SLC10A6: variants seen among roughly 807,000 people sequenced by gnomAD.
SLC10A6 encodes sodium-dependent organic anion transporter.
Under a neutral mutation model 30.0 loss-of-function variants are expected in SLC10A6, and 27 were observed. That is an observed-to-expected ratio of 0.90 (90% CI 0.66 to 1.24). SLC10A6 has a LOEUF of 1.24. SLC10A6 is among the 50% of genes most tolerant of loss of function. The pLI is 0.00. For missense variants in SLC10A6, 439 were observed against 457.0 expected (o/e 0.96, Z 0.36); for synonymous variants, 166 against 173.8 (o/e 0.95, Z 0.36).
chr4:86,830,384 C>T lies in SLC10A6; in HGVS notation c.585+1408G>A, dbSNP rs141512100. 1.8e-4 allele frequency among the ~76,000 whole-genome samples: 27 copies of T among 152,148 alleles called. 1 individual carries two copies. The highest frequency in any genetic ancestry group is 5.8e-4 in the African/African-American group (24 of 41,520). On this transcript the variant is annotated intron_variant, in intron 3 of 5. Coordinates refer to ENST00000273905, the MANE Select transcript of SLC10A6 (RefSeq NM_197965.3). Reference sequence around the variant, plus strand: ...TTGCACTCCAGCCTGAGTGACAGAGCGAGACCCTATCTCAAAAACTTAATT... The same window carrying T: ...TTGCACTCCAGCCTGAGTGACAGAGTGAGACCCTATCTCAAAAACTTAATT...
In SLC10A6 at chr4:86,833,411, T is replaced by C. The variant is rs1746122474; in HGVS notation, c.391A>G (p.Thr131Ala). Residue 131 changes from threonine (T) to alanine (A), a missense_variant, in exon 2 of 6, where the codon ACC becomes GCC. By Grantham distance (58) the Thr-to-Ala change is moderately conservative (BLOSUM62 0). Transcript: ENST00000273905. ...CCCAGGGCGGCCACGGTGGAACAGG[T>C]TGTCATACTGATGCTGAAAGTAAAA... ...GDMDLSISMTTCSTVAALGMM... is the reference protein window; with the variant it reads ...GDMDLSISMTACSTVAALGMM... The C allele has an allele frequency of 6.2e-7, 1 of 1,613,216 alleles. No individual in the cohort carries two copies. Among genetic ancestry groups the C allele is most frequent in the Non-Finnish European group, 8.5e-7 (1 of 1,179,212 alleles).
intron 4 of SLC10A6, among the ~76,000 whole-genome samples, chr4:86,827,782 A>G (rs769586833): frequency 1.2e-4 from 18 of 152,094 alleles, no homozygotes; most frequent in Admixed American, 3.3e-4. Context: ...TCTTCCTATC[A>G]ATTTGGCCTT....
Position 86,849,210 on chromosome 4 carries a change from C to T in SLC10A6, c.-95G>A, listed in dbSNP as rs1746443936. The T allele has an allele frequency of 1.4e-6, 2 of 1,406,636 alleles. No homozygotes were observed. The highest frequency in any genetic ancestry group is 1.4e-5 in the African/African-American group (1 of 69,826). 87.1% of individuals were successfully genotyped at this position (1,406,636 alleles called of 1,614,324 possible). The stretch of plus-strand genomic sequence containing the variant: ...ACATTTTGTAATAGTGCAACGAAGT[C>T]ACACATGGAGAATCATTCCAATAAC... On this transcript the variant is annotated 5_prime_UTR_variant, in exon 1 of 6. It removes the in-frame stop codon of an upstream open reading frame in the 5' UTR. Coordinates refer to ENST00000273905, the MANE Select transcript of SLC10A6 (RefSeq NM_197965.3).
chr4:86,849,121 C>T lies in SLC10A6; in HGVS notation c.-6G>A, dbSNP rs751152378. 8 of 1,609,676 alleles carry T rather than the reference C, an allele frequency of 5.0e-6. No homozygotes were observed. Among genetic ancestry groups the T allele is most frequent in the Non-Finnish European group, 5.9e-6 (7 of 1,178,016 alleles). ...CTGGAACAATTGGCTCTCATCTCCT[C>T]ATCTCCTTAAGGCAGCATTACAAAT... On this transcript the variant is annotated 5_prime_UTR_variant, in exon 1 of 6. It removes an upstream start codon present in the reference 5' UTR. Coordinates refer to ENST00000273905, the MANE Select transcript of SLC10A6 (RefSeq NM_197965.3).
In SLC10A6 at chr4:86,831,834, A is replaced by T. The variant is rs770266438; in HGVS notation, c.543T>A (p.Tyr181Ter). ...CLTIPVAFGV[Y>*]VNYRWPKQSK... ...ATTGTTTTGGCCATCTGTAATTCAC[A>T]TAGACACCAAAGGCCACAGGAATGG... Residue 181 changes from tyrosine to a stop codon, truncating the protein, a stop_gained, in exon 3 of 6, where the codon TAT becomes TAA. Coordinates refer to ENST00000273905, the MANE Select transcript of SLC10A6 (RefSeq NM_197965.3). LOFTEE classifies it high-confidence loss of function. 6.2e-7 allele frequency: 1 copy of T among 1,613,696 alleles called. No individual in the cohort carries two copies.
chr4:86,829,405 C>A (rs182152165), intron 3 of SLC10A6, among the ~76,000 whole-genome samples: 1 of 151,810 alleles, frequency 6.6e-6, no homozygotes, highest in East Asian at 1.9e-4. Flanking sequence ...AGCAAGACTC[C>A]GTTTAAAAAA....
intron 1 of SLC10A6, among the ~76,000 whole-genome samples, chr4:86,839,900 C>CTTATT: frequency 7.1e-6 from 1 of 141,574 alleles, no homozygotes; most frequent in East Asian, 2.0e-4. Context: ...TTGTTACACT[C>CTTATT]TTATTTTTTT....
chr4:86,835,884 C>T (rs536206104), intron 1 of SLC10A6, among the ~76,000 whole-genome samples: 1 of 152,242 alleles, frequency 6.6e-6, no homozygotes, highest in South Asian at 2.1e-4. Context: ...AGCTGAGTCA[C>T]TTAGCATCAG....
chr4:86,842,792 TTC>T (rs1393613579), intron 1 of SLC10A6, among the ~76,000 whole-genome samples: 1 of 3,720 alleles, frequency 2.7e-4, no homozygotes, highest in East Asian at 9.1e-3. Flanking sequence ...CCTCTTTTCT[TTC>T]TTTCTTTCTT....
intron 4 of SLC10A6, among the ~76,000 whole-genome samples, chr4:86,827,057 A>G (rs532675219): frequency 3.5e-4 from 54 of 152,294 alleles, no homozygotes; most frequent in Admixed American, 5.2e-4. Context: ...CAAAAACTCG[A>G]TATGATTAAG....
intron 2 of SLC10A6, among the ~76,000 whole-genome samples, 188 bp from the exon 3 acceptor site, chr4:86,832,068 CT>C (rs1300845500): frequency 1.3e-5 from 2 of 152,156 alleles, no homozygotes; most frequent in African/African-American, 4.8e-5. Flanking sequence ...CATTTTGCGT[CT>C]TGTGAGTGCC....
intron 1 of SLC10A6, among the ~76,000 whole-genome samples, chr4:86,837,298 G>GAAAGAGAAA (rs1560460409): frequency 9.0e-5 from 8 of 89,236 alleles, no homozygotes; most frequent in African/African-American, 1.6e-4. Flanking sequence ...AGAAAGGAAG[G>GAAAGAGAAA]AAGGAAGGAA....
At position 86,833,471 on chromosome 4, in the gene SLC10A6, A is replaced by G. The variant is rs200063644; in HGVS notation, c.378-47T>C. On this transcript the variant is annotated intron_variant, in intron 1 of 5. Coordinates refer to ENST00000273905, the MANE Select transcript of SLC10A6 (RefSeq NM_197965.3). ...TGCTTAGGAGGGAGCATTGGACATG[A>G]AGAATTTAGTCTTTACCAAAAGCAA... 4.3e-4 allele frequency: 623 copies of G among 1,456,068 alleles called. 2 individuals are homozygous for G. The African/African-American group carries it at 8.0e-3, about 19-fold the overall frequency. The allele number at this position is 1,456,068 out of a possible 1,614,324, so 90.2% of individuals were successfully genotyped here. A position where few individuals can be genotyped will look rare whatever the true frequency, so the allele number is the denominator to read the frequency against.
chr4:86,828,143 A>G lies in SLC10A6; in HGVS notation c.611T>C (p.Leu204Pro). The G allele has an allele frequency of 1.9e-6, 3 of 1,613,194 alleles. No homozygotes were observed. The South Asian group carries it at 3.3e-5, about 18-fold the overall frequency. ...ACCAGCAACTGCGACCACCAGAAGGAGGACCCCACCAACAACGGCCCCAAT... is the reference window on the plus strand; with the variant it reads ...ACCAGCAACTGCGACCACCAGAAGGGGGACCCCACCAACAACGGCCCCAAT... Reference protein sequence around the residue: ...LKIGAVVGGVLLLVVAVAGVV... With the variant: ...LKIGAVVGGVPLLVVAVAGVV... The change falls in exon 4 of 6, where the codon CTC (leucine) becomes CCC (proline). Residue 204 changes from leucine to proline, a missense_variant. Transcript: ENST00000273905.
At chr4:86,842,798 CTT>C (rs1746315144) in intron 1 of SLC10A6, among the ~76,000 whole-genome samples, 13 of 5,312 alleles carry the variant, frequency 2.4e-3, no homozygotes, top group Non-Finnish European at 3.4e-3. Flanking sequence ...TTCTTTCTTT[CTT>C]TCTTTCTTTC....
In SLC10A6 at chr4:86,841,789, C is replaced by T. The variant is rs545063350; in HGVS notation, c.377+6950G>A. ...TGACCCTCAAAACTATGAAAGTATA[C>T]ACTTGCTTTCCGACTGAAAGAAATA... On this transcript the variant is annotated intron_variant, in intron 1 of 5. Coordinates refer to ENST00000273905, the MANE Select transcript of SLC10A6 (RefSeq NM_197965.3). Among the ~76,000 whole-genome samples the T allele has an allele frequency of 3.9e-5, 6 of 152,258 alleles. 1 individual carries two copies. In the South Asian group the frequency reaches 8.3e-4, roughly 21 times the overall value.
At chr4:86,827,963 CAA>C (rs747646656) in intron 4 of SLC10A6, 28 bp downstream of exon 4, 3 of 1,597,276 alleles carry the variant, frequency 1.9e-6, no homozygotes, top group Admixed American at 3.5e-5. Flanking sequence ...TTACCTTCCT[CAA>C]AAAAGTTTAT....
At position 86,845,290 on chromosome 4, in the gene SLC10A6, C is replaced by T. The variant is rs562664619; in HGVS notation, c.377+3449G>A. Among the ~76,000 whole-genome samples the T allele has an allele frequency of 3.3e-5, 5 of 152,194 alleles. No homozygotes were observed. In the East Asian group the frequency reaches 7.7e-4, roughly 24 times the overall value. ...CTGCAGACTGTGGGAACAACATGGGCAAAAGAAAGCTGGAAGAGTGTGAGA... is the reference window on the plus strand; with the variant it reads ...CTGCAGACTGTGGGAACAACATGGGTAAAAGAAAGCTGGAAGAGTGTGAGA... On this transcript the variant is annotated intron_variant, in intron 1 of 5. Transcript: ENST00000273905.
Position 86,833,369 on chromosome 4 carries a change from T to C in SLC10A6, c.433A>G (p.Ile145Val), listed in dbSNP as rs772471118. ...VAALGMMPLCIYLYTWSWSLQ... is the reference protein window; with the variant it reads ...VAALGMMPLCVYLYTWSWSLQ... Reference sequence around the variant, plus strand: ...CTCCAGGACCAGGTGTAGAGATAAATGCAGAGTGGCATCATTCCCAGGGCG... The same window carrying C: ...CTCCAGGACCAGGTGTAGAGATAAACGCAGAGTGGCATCATTCCCAGGGCG... The change falls in exon 2 of 6, where the codon ATT becomes GTT. Residue 145 changes from isoleucine (I) to valine (V), a missense_variant. By Grantham distance (29) the Ile-to-Val change is conservative. Coordinates refer to ENST00000273905, the MANE Select transcript of SLC10A6 (RefSeq NM_197965.3). The C allele has an allele frequency of 5.6e-6, 9 of 1,613,992 alleles. No homozygotes were observed. In the African/African-American group the frequency reaches 1.1e-4, roughly 19 times the overall value.
Sources: allele counts gnomAD v4.1 joint callset (sites outside exome capture counted in the v4.1 genomes callset), GRCh38; gene constraint gnomAD v4.1.1; transcripts MANE v1.5; gene names NCBI Gene and HGNC (gene_info 2026-07-23, HGNC 2026-07-21).